Variants in DNAH8 observed in about 807,000 individuals in gnomAD.
The protein encoded by DNAH8 is axonemal beta dynein heavy chain 8.
Under a neutral mutation model 562.1 loss-of-function variants are expected in DNAH8, and 382 were observed. That is an observed-to-expected ratio of 0.68 (90% CI 0.63 to 0.74). The LOEUF is 0.74. Among genes scored for constraint, DNAH8 ranks in the 30% least tolerant of loss-of-function variants. The pLI is 0.00. For synonymous variants in DNAH8, 1,881 were observed against 1,919.4 expected (o/e 0.98, Z 0.52); for missense variants, 5,203 against 5,620.4 (o/e 0.93, Z 2.37).
chr6:38,929,571 C>T lies in DNAH8; in HGVS notation c.11179C>T (p.Arg3727Ter), dbSNP rs773513338. 5.0e-6 allele frequency: 8 copies of T among 1,612,014 alleles called. No individual in the cohort carries two copies. The highest frequency in any genetic ancestry group is 4.0e-5 in the African/African-American group (3 of 74,556). The change falls in exon 75 of 93, where the codon CGA (arginine) becomes TGA (stop). Residue 3727 changes from arginine (R) to a stop codon, truncating the protein, a stop_gained. Transcript: ENST00000327475. LOFTEE classifies it high-confidence loss of function. Reference protein sequence around the residue: ...THLEDSLSLGRPLLIEDIHEE... With the variant: ...THLEDSLSLG The stretch of plus-strand genomic sequence containing the variant: ...CTTGGAGGACAGCCTTTCCTTGGGC[C>T]GACCCCTTCTCATTGAGGACATTCA...
At chr6:38,883,526 G>A in intron 55 of DNAH8, 70 bp downstream of exon 55, 1 of 1,433,506 alleles carries the variant, frequency 7.0e-7, no homozygotes, top group Non-Finnish European at 9.5e-7. Context: ...AATAAAATGT[G>A]TACGCATATA....
chr6:38,917,199 A>G (rs942581288), intron 68 of DNAH8, 40 bp from the exon 69 acceptor site: 1 of 1,449,190 alleles, frequency 6.9e-7, no homozygotes, highest in Non-Finnish European at 9.4e-7. Flanking sequence ...TATTAATACC[A>G]CTCAACAAAC....
chr6:38,770,650 C>T (rs897479138), intron 12 of DNAH8, 91 bp downstream of exon 12: 14 of 1,225,028 alleles, frequency 1.1e-5, no homozygotes, highest in Non-Finnish European at 1.5e-5. Flanking sequence ...ATTATTGTTC[C>T]TGATCTCTTG....
At chr6:38,921,307 A>G in intron 70 of DNAH8, 62 bp from the exon 71 acceptor site, 1 of 1,561,872 alleles carries the variant, frequency 6.4e-7, no homozygotes, top group East Asian at 2.3e-5. Context: ...TGTGTTATCT[A>G]CCAGTTACAA....
chr6:38,766,631 C>T (rs1767026884), intron 11 of DNAH8, among the ~76,000 whole-genome samples: 1 of 152,062 alleles, frequency 6.6e-6, no homozygotes, highest in South Asian at 2.1e-4. Context: ...GGACTACAGG[C>T]ATGCACCATG....
chr6:38,842,646 C>A lies in DNAH8; in HGVS notation c.4605-17C>A. The A allele has an allele frequency of 1.2e-6, 2 of 1,600,084 alleles. No individual in the cohort carries two copies. Among genetic ancestry groups the A allele is most frequent in the Non-Finnish European group, 1.7e-6 (2 of 1,175,708 alleles). On this transcript the variant is annotated splice_polypyrimidine_tract_variant and intron_variant, in intron 34 of 92. Coordinates refer to ENST00000327475, the MANE Select transcript of DNAH8 (RefSeq NM_001206927.2). ...AATGTGAAGGTGGCATATTTTTTTT[C>A]TCTTTCTTTCTGAAAGATGTCGTAA...
Position 38,863,222 on chromosome 6 carries a change from G to A in DNAH8, c.6311-651G>A, listed in dbSNP as rs544463207. Among the ~76,000 whole-genome samples, 31 of 93,816 alleles carry A rather than the reference G, an allele frequency of 3.3e-4. 1 individual carries two copies. The South Asian group carries it at 9.3e-3, about 28-fold the overall frequency. 61.5% of individuals were successfully genotyped at this position (93,816 alleles called of 152,430 possible). ...GCCGAGGCAGGCGGATCATGAGGTC[G>A]GGAGTTCAACCATCCTGGCCAACAT... On this transcript the variant is annotated intron_variant, in intron 44 of 92. Coordinates refer to ENST00000327475, the MANE Select transcript of DNAH8 (RefSeq NM_001206927.2).
chr6:38,849,700 C>T (rs1166213648), intron 37 of DNAH8, among the ~76,000 whole-genome samples: 5 of 151,668 alleles, frequency 3.3e-5, no homozygotes, highest in African/African-American at 1.2e-4. Context: ...AAGATTATGC[C>T]AATTGCTAGA....
In DNAH8 at chr6:38,781,298, GC is replaced by G. The variant is rs1352078455; in HGVS notation, c.2189del (p.Pro730LeufsTer2). ...KDDPPLARNM[P>X]PIAGKILWVR... is the part of the protein sequence containing the mutation. ...ATGACCCCCCTCTTGCTCGCAACAT[GC>G]CCCCTATAGCAGGAAAAATACTCTG... On this transcript the variant is annotated frameshift_variant, in exon 16 of 93. Coordinates refer to ENST00000327475, the MANE Select transcript of DNAH8 (RefSeq NM_001206927.2). LOFTEE classifies it high-confidence loss of function. 3.1e-6 allele frequency: 5 copies of G among 1,613,406 alleles called. No individual in the cohort carries two copies. The highest frequency in any genetic ancestry group is 3.4e-6 in the Non-Finnish European group (4 of 1,179,760).
intron 15 of DNAH8, among the ~76,000 whole-genome samples, chr6:38,780,515 A>C (rs1048178416): frequency 1.3e-5 from 2 of 152,210 alleles, no homozygotes; most frequent in African/African-American, 4.8e-5. Flanking sequence ...CCAAAAAAAA[A>C]ATGAATGAGA....
At position 38,938,786 on chromosome 6, in the gene DNAH8, A is replaced by G. The variant is rs754351458; in HGVS notation, c.11817-12A>G. The G allele has an allele frequency of 1.8e-5, 28 of 1,574,480 alleles. No individual in the cohort carries two copies. The highest frequency in any genetic ancestry group is 2.3e-5 in the South Asian group (2 of 86,660). On this transcript the variant is annotated splice_polypyrimidine_tract_variant and intron_variant, in intron 78 of 92. Coordinates refer to ENST00000327475, the MANE Select transcript of DNAH8 (RefSeq NM_001206927.2). ...TGCCCTTTGCTTCTTTGATTCTTAA[A>G]ATGTGTTTCAGATCTGAAAAGTCAC...
intron 11 of DNAH8, among the ~76,000 whole-genome samples, chr6:38,769,443 G>T (rs1180093368): frequency 1.3e-5 from 2 of 152,152 alleles, no homozygotes; most frequent in East Asian, 1.9e-4. Flanking sequence ...AATGATAATT[G>T]TTTTGGAGAT....
chr6:39,008,991 A>G, intron 89 of DNAH8, 21 bp downstream of exon 89: 9 of 1,563,286 alleles, frequency 5.8e-6, no homozygotes, highest in Non-Finnish European at 7.9e-6. Context: ...CTGGTTTCCC[A>G]CTGGCATACA....
intron 66 of DNAH8, 21 bp from the exon 67 acceptor site, chr6:38,913,828 T>A (rs1325190954): frequency 6.4e-7 from 1 of 1,554,184 alleles, no homozygotes; most frequent in Admixed American, 1.7e-5. Context: ...AGTAAAGGTA[T>A]ATATGTGTGT....
In DNAH8 at chr6:38,850,237, G is replaced by T; in HGVS notation, c.5200-14G>T. 1 of 1,611,154 alleles carries T rather than the reference G, an allele frequency of 6.2e-7. No homozygotes were observed. Among genetic ancestry groups the T allele is most frequent in the South Asian group, 1.1e-5 (1 of 90,606 alleles). On this transcript the variant is annotated splice_polypyrimidine_tract_variant and intron_variant, in intron 37 of 92. Transcript: ENST00000327475. Reference sequence around the variant, plus strand: ...CCAAATGCTAATCTTTACTGGCTATGGATGCATTTTCAGGAAGCAAAACGT... The same window carrying T: ...CCAAATGCTAATCTTTACTGGCTATTGATGCATTTTCAGGAAGCAAAACGT...
intron 71 of DNAH8, among the ~76,000 whole-genome samples, chr6:38,921,730 A>G (rs555284589): frequency 2.0e-5 from 3 of 152,030 alleles, no homozygotes; most frequent in Non-Finnish European, 2.9e-5. Context: ...TGCAGCTCAG[A>G]CACTTGTTAA....
intron 87 of DNAH8, among the ~76,000 whole-genome samples, chr6:38,987,211 G>A (rs886338871): frequency 8.5e-5 from 13 of 152,304 alleles, no homozygotes; most frequent in African/African-American, 3.1e-4. Context: ...GGGAGCACAC[G>A]GAGGGGGAGG....
At chr6:38,887,833 CTT>C (rs538279493) in intron 57 of DNAH8, among the ~76,000 whole-genome samples, 17,810 of 120,130 alleles carry the variant, frequency 0.15, 1,127 homozygotes, top group Non-Finnish European at 0.2. Context: ...AAAGGGCAGA[CTT>C]TTTTTTTTTT....
In DNAH8 at chr6:38,917,367, A is replaced by G; in HGVS notation, c.10269A>G (p.Glu3423=). 1 of 1,613,730 alleles carries G rather than the reference A, an allele frequency of 6.2e-7. No individual in the cohort carries two copies. Among genetic ancestry groups the G allele is most frequent in the Non-Finnish European group, 8.5e-7 (1 of 1,179,710 alleles). ...KKIDPVTMDP[E]KSCCKPSWGE... ...TTGACCCTGTTACTATGGATCCAGA[A>G]AAATCTTGCTGTAAGCCATCATGGG... Residue 3423 remains glutamate, a synonymous_variant, in exon 69 of 93, where the codon GAA becomes GAG. Coordinates refer to ENST00000327475, the MANE Select transcript of DNAH8 (RefSeq NM_001206927.2).
Sources: allele counts gnomAD v4.1 joint callset (sites outside exome capture counted in the v4.1 genomes callset), GRCh38; gene constraint gnomAD v4.1.1; transcripts MANE v1.5; gene names NCBI Gene and HGNC (gene_info 2026-07-23, HGNC 2026-07-21).